The following SH3D21 variants were observed in gnomAD, a reference collection of about 807,000 sequenced individuals.
SH3D21 encodes SH3 domain-containing protein 21.
Under a neutral mutation model 82.1 loss-of-function variants are expected in SH3D21, and 83 were observed. The observed-to-expected ratio is 1.01, with a 90% CI of 0.85 to 1.21. The LOEUF (loss-of-function observed/expected upper bound fraction) is 1.21. Among genes scored for constraint, SH3D21 ranks in the 50% most tolerant of loss-of-function variants. SH3D21 has a pLI of 0.00. For missense variants in SH3D21, 980 were observed against 962.1 expected (o/e 1.02, Z -0.25); for synonymous variants, 383 against 387.8 (o/e 0.99, Z 0.15).
At chr1:36,312,142 A>C (rs1047367667) in intron 10 of SH3D21, among the ~76,000 whole-genome samples, 3 of 151,828 alleles carry the variant, frequency 2.0e-5, no homozygotes, top group African/African-American at 7.3e-5. Context: ...CTGCTGCCTC[A>C]GCCTCCCGAG....
chr1:36,322,469 G>A, downstream of SH3D21: 1 of 1,604,778 alleles, frequency 6.2e-7, no homozygotes, highest in African/African-American at 1.3e-5. Context: ...CGTTGACGTT[G>A]AGGGGCCCGT....
chr1:36,321,204 G>A lies in SH3D21; in HGVS notation c.*77G>A. The A allele has an allele frequency of 6.5e-7, 1 of 1,550,232 alleles. No individual in the cohort carries two copies. Among genetic ancestry groups the A allele is most frequent in the Non-Finnish European group, 8.7e-7 (1 of 1,148,036 alleles). ...CCTTGCACACGACTTTGGGAAACGCGAGAAAGTAAACTCTGCCTAGCACGG... is the reference window on the plus strand; with the variant it reads ...CCTTGCACACGACTTTGGGAAACGCAAGAAAGTAAACTCTGCCTAGCACGG... On this transcript the variant is annotated 3_prime_UTR_variant, in exon 16 of 16. Transcript: ENST00000453908. This position sits in a 1 kb window ranked among gnomAD's most constrained non-coding sequence, Gnocchi z 6.1.
chr1:36,308,454 CT>C lies in SH3D21; in HGVS notation c.708del (p.Phe236LeufsTer30). 1 of 1,551,784 alleles carries C rather than the reference CT, an allele frequency of 6.4e-7. No homozygotes were observed. Among genetic ancestry groups the C allele is most frequent in the African/African-American group, 1.4e-5 (1 of 73,098 alleles). On this transcript the variant is annotated frameshift_variant, in exon 9 of 16. Coordinates refer to ENST00000453908, the MANE Select transcript of SH3D21 (RefSeq NM_001162530.2). LOFTEE classifies it high-confidence loss of function. ...GACGAAGAGGAGTTTTTCCAGACAA[CT>C]TTGTACTCCCACCACCCCCAGTGAG... ...QGRRGVFPDNFVLPPPPIKKL... is the reference protein window; with the variant it reads ...QGRRGVFPDNXVLPPPPIKKL...
chr1:36,307,600 GCCC>G lies in SH3D21; in HGVS notation c.432_434del (p.Pro145del). ...ACTTTGTGGAATTGCTGGACAGTGG[GCCC>G]CCAAGTGAGACCTCGACTCTGTGAC... On this transcript the variant is annotated inframe_deletion, in exon 5 of 16. Coordinates refer to ENST00000453908, the MANE Select transcript of SH3D21 (RefSeq NM_001162530.2). This position sits in a 1 kb window ranked among gnomAD's most constrained non-coding sequence, Gnocchi z 5.4. 6.4e-7 allele frequency: 1 copy of G among 1,551,570 alleles called. No individual in the cohort carries two copies. The highest frequency in any genetic ancestry group is 8.7e-7 in the Non-Finnish European group (1 of 1,146,946).
Position 36,307,027 on chromosome 1 carries a change from C to T in SH3D21, c.226+122C>T, listed in dbSNP as rs1646139218. 1 of 1,443,208 alleles carries T rather than the reference C, an allele frequency of 6.9e-7. No homozygotes were observed. Among genetic ancestry groups the T allele is most frequent in the South Asian group, 1.5e-5 (1 of 68,506 alleles). The allele number at this position is 1,443,208 out of a possible 1,614,324, so 89.4% of individuals were successfully genotyped here. A position where few individuals can be genotyped will look rare whatever the true frequency, so the allele number is the denominator to read the frequency against. ...CGGGACCTCGGGGCCGCCCTGCGGT[C>T]TGTGATTGGTTCTCGAGTGCAATGC... On this transcript the variant is annotated intron_variant, in intron 3 of 15. Coordinates refer to ENST00000453908, the MANE Select transcript of SH3D21 (RefSeq NM_001162530.2). This position sits in a 1 kb window ranked among gnomAD's most constrained non-coding sequence, Gnocchi z 5.4.
chr1:36,316,634 G>T (rs1332497011), intron 10 of SH3D21, among the ~76,000 whole-genome samples: 1 of 152,230 alleles, frequency 6.6e-6, no homozygotes, highest in African/African-American at 2.4e-5. Flanking sequence ...GTGGTACTGA[G>T]CTTGGGGCCT....
Position 36,308,118 on chromosome 1 carries a change from C to T in SH3D21, c.548C>T (p.Pro183Leu). The T allele has an allele frequency of 6.5e-7, 1 of 1,548,722 alleles. No individual in the cohort carries two copies. Residue 183 changes from proline to leucine, a missense_variant, in exon 8 of 16, where the codon CCT becomes CTT. Physicochemically the swap from Pro to Leu is moderately conservative, Grantham distance 98 (BLOSUM62 -3). Coordinates refer to ENST00000453908, the MANE Select transcript of SH3D21 (RefSeq NM_001162530.2). ...PPDYLQTVSH[P>L]EVYRVLFDYQ... ...ACTGACCTCTTCCCAGTCTCCCACC[C>T]TGAGGTCTACAGGGTCCTGTTTGAC...
Position 36,309,736 on chromosome 1 carries a change from G to A in SH3D21, c.769+146G>A, listed in dbSNP as rs186015918. On this transcript the variant is annotated intron_variant, in intron 10 of 15. Coordinates refer to ENST00000453908, the MANE Select transcript of SH3D21 (RefSeq NM_001162530.2). ...TGTGGGTCAAAAGCTGGGTAGGAAT[G>A]TACGTGAATCAATGTGTGGGTCAGT... 8.8e-4 allele frequency: 693 copies of A among 790,340 alleles called. 1 individual carries two copies. Among genetic ancestry groups the A allele is most frequent in the Non-Finnish European group, 1.1e-3 (553 of 500,406 alleles). 49.0% of individuals were successfully genotyped at this position (790,340 alleles called of 1,614,324 possible).
chr1:36,320,056 G>C lies in SH3D21; in HGVS notation c.1393G>C (p.Asp465His). The C allele has an allele frequency of 1.9e-6, 3 of 1,614,004 alleles. No individual in the cohort carries two copies. The highest frequency in any genetic ancestry group is 2.5e-6 in the Non-Finnish European group (3 of 1,180,004). Reference sequence around the variant, plus strand: ...CCCTGCCCTAGAAGCCCCACCTATGGATAAAGTCCCTAATCCAAAGATGGC... The same window carrying C: ...CCCTGCCCTAGAAGCCCCACCTATGCATAAAGTCCCTAATCCAAAGATGGC... The part of the protein sequence containing the change: ...ESPALEAPPM[D>H]KVPNPKMAPL... The change falls in exon 14 of 16, where the codon GAT (aspartate) becomes CAT (histidine). Residue 465 changes from aspartate (D) to histidine (H), a missense_variant. Coordinates refer to ENST00000453908, the MANE Select transcript of SH3D21 (RefSeq NM_001162530.2).
chr1:36,326,124 T>TA (rs1488020077), downstream of SH3D21, among the ~76,000 whole-genome samples: 1 of 152,030 alleles, frequency 6.6e-6, no homozygotes, highest in Admixed American at 6.6e-5. Flanking sequence ...GATACCTCCC[T>TA]CCAAGGGAAG....
chr1:36,321,753 G>T, downstream of SH3D21: 1 of 1,004,460 alleles, frequency 1.0e-6, no homozygotes, highest in Non-Finnish European at 1.2e-6. This position sits in a 1 kb window ranked among gnomAD's most constrained non-coding sequence, Gnocchi z 6.1. Flanking sequence ...GTGGGGACAG[G>T]GCGACGTGTG....
intron 8 of SH3D21, 47 bp from the exon 9 acceptor site, chr1:36,308,342 C>T (rs916625227): frequency 6.5e-7 from 1 of 1,533,642 alleles, no homozygotes; most frequent in Non-Finnish European, 8.8e-7. Context: ...CCGGAAAGGA[C>T]CTTGGGGGAC....
At position 36,319,544 on chromosome 1, in the gene SH3D21, G is replaced by A; in HGVS notation, c.1011+8G>A. 1 of 1,551,724 alleles carries A rather than the reference G, an allele frequency of 6.4e-7. No homozygotes were observed. The highest frequency in any genetic ancestry group is 8.7e-7 in the Non-Finnish European group (1 of 1,146,992). On this transcript the variant is annotated splice_region_variant and intron_variant, in intron 13 of 15. Transcript: ENST00000453908. ...CGCTCTGTGTCCAGTCAGGTGAGGG[G>A]CGGGAGACATGGGAGAGTGGGGATG...
At chr1:36,315,737 C>T (rs1019098507) in intron 10 of SH3D21, among the ~76,000 whole-genome samples, 1 of 152,182 alleles carries the variant, frequency 6.6e-6, no homozygotes, top group Non-Finnish European at 1.5e-5. Flanking sequence ...AATCCTGCTT[C>T]TGTCATTCCT....
At chr1:36,328,181 T>C (rs1385407503), downstream of SH3D21, 2 of 454,816 alleles carry the variant, frequency 4.4e-6, no homozygotes, top group South Asian at 3.1e-5. Flanking sequence ...CAGGCCTTGA[T>C]GGAAGGTTGG....
In SH3D21 at chr1:36,320,996, GC is replaced by G. The variant is rs1646450096; in HGVS notation, c.2199+19del. ...GGCTGGAGGTGAGGCGCGGGTCCCG[GC>G]GGGAGGGGGCTGACGGCGAGTGGCC... is the stretch of plus-strand genomic sequence containing the variant. On this transcript the variant is annotated intron_variant, in intron 15 of 15. Transcript: ENST00000453908. The G allele has an allele frequency of 6.4e-7, 1 of 1,571,146 alleles. No individual in the cohort carries two copies. The highest frequency in any genetic ancestry group is 1.4e-5 in the African/African-American group (1 of 74,026).
In SH3D21 at chr1:36,320,073, A is replaced by C. The variant is rs1338943916; in HGVS notation, c.1410A>C (p.Pro470=). Residue 470 remains proline (P), a synonymous_variant, in exon 14 of 16, where the codon CCA becomes CCC. Transcript: ENST00000453908. ...EAPPMDKVPN[P]KMAPLGDEAP... ...CACCTATGGATAAAGTCCCTAATCC[A>C]AAGATGGCCCCTCTGGGGGATGAGG... 6.2e-7 allele frequency: 1 copy of C among 1,613,954 alleles called. No homozygotes were observed.
intron 8 of SH3D21, 80 bp from the exon 9 acceptor site, chr1:36,308,309 T>C: frequency 6.7e-7 from 1 of 1,485,688 alleles, no homozygotes; most frequent in Non-Finnish European, 9.2e-7. Context: ...GTTGAAATTA[T>C]ATCCATAAGA....
chr1:36,314,176 T>C (rs944117200), intron 10 of SH3D21, among the ~76,000 whole-genome samples: 8 of 150,006 alleles, frequency 5.3e-5, no homozygotes, highest in Admixed American at 3.3e-4. Context: ...GGGGTTTCAC[T>C]GTGTTAGCCA....
Sources: allele counts gnomAD v4.1 joint callset (sites outside exome capture counted in the v4.1 genomes callset), GRCh38; gene constraint gnomAD v4.1.1; non-coding constraint Gnocchi (gnomAD v3.1); transcripts MANE v1.5; gene names NCBI Gene and HGNC (gene_info 2026-07-23, HGNC 2026-07-21).